The following BAHCC1 variants were observed in gnomAD, a reference collection of about 807,000 sequenced individuals.
The protein encoded by BAHCC1 is BAH domain and coiled-coil containing 1.
In BAHCC1, 43 loss-of-function variants were observed where a neutral mutation model predicts 88.2. The ratio of observed to expected loss-of-function variants is 0.49; its 90% CI spans 0.38 to 0.63. The LOEUF is 0.63. Ranked by LOEUF, BAHCC1 falls within the 20% of genes least tolerant of loss-of-function variation. The pLI is 0.00. For missense variants in BAHCC1, 3,023 were observed against 1,654.8 expected (o/e 1.83, Z -14.34); for synonymous variants, 1,510 against 745.5 (o/e 2.03, Z -16.71).
At chr17:81,398,699 A>C (rs1367498788) in intron 1 of BAHCC1, among the ~76,000 whole-genome samples, 1 of 152,214 alleles carries the variant, frequency 6.6e-6, no homozygotes, top group Admixed American at 6.5e-5. Flanking sequence ...CAGCCTCAAC[A>C]GGAAGCTCCC....
intron 18 of BAHCC1, 66 bp downstream of exon 18, chr17:81,458,532 C>CCTCACCCGCA: frequency 1.5e-6 from 1 of 646,554 alleles, no homozygotes. Flanking sequence ...CCTTCCCCGC[C>CCTCACCCGCA]CTCCCCCGCA....
At chr17:81,420,409 C>G (rs1410232947) in intron 2 of BAHCC1, among the ~76,000 whole-genome samples, 1 of 152,184 alleles carries the variant, frequency 6.6e-6, no homozygotes, top group Non-Finnish European at 1.5e-5. Context: ...TGCAGCTGTT[C>G]CCCAGTCTTC....
intron 10 of BAHCC1, 134 bp from the exon 11 acceptor site, chr17:81,446,902 G>A (rs1405129597): frequency 1.3e-5 from 9 of 676,582 alleles, no homozygotes; most frequent in Admixed American, 1.2e-4. Context: ...CAGTCTTGCA[G>A]ACCTGCAGCT....
chr17:81,400,852 G>A (rs2063807087), intron 2 of BAHCC1: 1 of 154,582 alleles, frequency 6.5e-6, no homozygotes, highest in Middle Eastern at 5.5e-4. Context: ...GGTCAGGGTA[G>A]GGGCAGCTAC....
chr17:81,453,313 G>T (rs2064680751), intron 14 of BAHCC1, among the ~76,000 whole-genome samples: 1 of 152,252 alleles, frequency 6.6e-6, no homozygotes. Context: ...CCCGGGCCTG[G>T]TATAATTGTC....
intron 2 of BAHCC1, chr17:81,407,075 G>T: frequency 2.3e-6 from 1 of 436,748 alleles, no homozygotes. Flanking sequence ...CTCTGAGGCT[G>T]GCCGGAAGTG....
chr17:81,409,391 A>C (rs2143248672), intron 2 of BAHCC1, among the ~76,000 whole-genome samples: 1 of 152,198 alleles, frequency 6.6e-6, no homozygotes, highest in Non-Finnish European at 1.5e-5. Flanking sequence ...GCGCCGGCTG[A>C]GTGGCCTGGG....
chr17:81,423,847 C>T (rs1451200465), intron 2 of BAHCC1, among the ~76,000 whole-genome samples: 2 of 152,174 alleles, frequency 1.3e-5, no homozygotes, highest in Admixed American at 6.5e-5. Flanking sequence ...AGCATGCAGG[C>T]GGGCCGATGG....
intron 3 of BAHCC1, among the ~76,000 whole-genome samples, chr17:81,428,085 G>T (rs1173667593): frequency 6.6e-6 from 1 of 152,188 alleles, no homozygotes; most frequent in African/African-American, 2.4e-5. Flanking sequence ...TGCAGGGGAG[G>T]CCGCTACCTT....
rs2064465550 is a variant in BAHCC1 at position 81,443,583 on chromosome 17, G to A, written c.2215+19G>A. 2 of 623,216 alleles carry A rather than the reference G, an allele frequency of 3.2e-6. No individual in the cohort carries two copies. Among genetic ancestry groups the A allele is most frequent in the East Asian group, 5.5e-5 (2 of 36,572 alleles). The allele number at this position is 623,216 out of a possible 1,614,324, so 38.6% of individuals were successfully genotyped here. On this transcript the variant is annotated intron_variant, in intron 5 of 27. Coordinates refer to ENST00000675386, the MANE Select transcript of BAHCC1 (RefSeq NM_001377448.1). ...TTCAAAGGTACAGGCCCTGCACAGA[G>A]AGGGAGGCAGGCCGGGACAGTCTAG... is the stretch of plus-strand genomic sequence containing the variant.
chr17:81,402,856 C>T (rs1236368365), intron 2 of BAHCC1: 1 of 152,216 alleles, frequency 6.6e-6, no homozygotes, highest in Non-Finnish European at 1.5e-5. Context: ...TCCCAGGCTT[C>T]TTCCATTGTT....
At chr17:81,421,631 A>C (rs1307584292) in intron 2 of BAHCC1, among the ~76,000 whole-genome samples, 1 of 152,182 alleles carries the variant, frequency 6.6e-6, no homozygotes, top group African/African-American at 2.4e-5. Flanking sequence ...CCACGCCTTT[A>C]GAGTAAGCAT....
intron 14 of BAHCC1, among the ~76,000 whole-genome samples, chr17:81,454,265 G>A (rs1205269762): frequency 1.3e-5 from 2 of 152,226 alleles, no homozygotes; most frequent in Admixed American, 6.5e-5. Context: ...GGTGGGACCT[G>A]TTTTGGGGCA....
chr17:81,463,585 T>C (rs782731531), intron 27 of BAHCC1, 26 bp from the exon 28 acceptor site: 8 of 778,510 alleles, frequency 1.0e-5, no homozygotes, highest in Non-Finnish European at 1.9e-5. Flanking sequence ...GGCCGGCCAC[T>C]GATGCCCCGC....
rs137957317 is a variant in BAHCC1, at chr17:81,418,574, C to T, written c.179-8226C>T. 2.8e-3 allele frequency among the ~76,000 whole-genome samples: 423 copies of T among 152,248 alleles called. 2 individuals are homozygous for T. Among genetic ancestry groups the T allele is most frequent in the African/African-American group, 9.3e-3 (385 of 41,536 alleles). ...CCAGGGCAGCTGTTCATCCCGGTGC[C>T]GCTTCAATGCCACCTTTTGCACAGC... On this transcript the variant is annotated intron_variant, in intron 2 of 27. Coordinates refer to ENST00000675386, the MANE Select transcript of BAHCC1 (RefSeq NM_001377448.1).
chr17:81,416,895 G>A (rs1555648814), intron 2 of BAHCC1, among the ~76,000 whole-genome samples: 2 of 152,214 alleles, frequency 1.3e-5, no homozygotes, highest in East Asian at 1.9e-4. Context: ...AGGGCCAAGA[G>A]CACTAGAGTC....
In BAHCC1 at chr17:81,465,315, G is replaced by T. The variant is rs1416361370; in HGVS notation, c.*1498G>T. ...CTGATGGGCTAGTGCTTGGGGCATAGAATGAGGGTCCCCCTGACCACCTGA... is the reference window on the plus strand; with the variant it reads ...CTGATGGGCTAGTGCTTGGGGCATATAATGAGGGTCCCCCTGACCACCTGA... On this transcript the variant is annotated 3_prime_UTR_variant, in exon 28 of 28. Coordinates refer to ENST00000675386, the MANE Select transcript of BAHCC1 (RefSeq NM_001377448.1). The T allele has an allele frequency of 6.6e-6, 1 of 152,178 alleles. No individual in the cohort carries two copies. Among genetic ancestry groups the T allele is most frequent in the Non-Finnish European group, 1.5e-5 (1 of 68,044 alleles). 9.4% of individuals were successfully genotyped at this position (152,178 alleles called of 1,614,324 possible).
intron 2 of BAHCC1, among the ~76,000 whole-genome samples, chr17:81,413,787 G>A (rs1025560613): frequency 5.3e-5 from 8 of 152,244 alleles, no homozygotes; most frequent in South Asian, 2.1e-4. Flanking sequence ...GCAACTGTTC[G>A]TGTACCAGCC....
In BAHCC1 at chr17:81,411,026, T is replaced by C; in HGVS notation, c.178+11109T>C. ...TGGGTCTTTGTTGTCCATATGTCTG[T>C]GTGAAGGCCTGGGGCCCCCGTGCGC... On this transcript the variant is annotated intron_variant, in intron 2 of 27. Transcript: ENST00000675386. The surrounding 1 kb of genome is among the most constrained non-coding windows in gnomAD (Gnocchi z 6.2). 1.9e-6 allele frequency: 1 copy of C among 516,096 alleles called. No homozygotes were observed. Among genetic ancestry groups the C allele is most frequent in the South Asian group, 1.4e-5 (1 of 71,204 alleles). 32.0% of individuals were successfully genotyped at this position (516,096 alleles called of 1,614,324 possible).
Sources: gnomAD v4.1 joint callset for allele counts (sites outside exome capture counted in the v4.1 genomes callset) on GRCh38, gnomAD v4.1.1 for gene constraint, Gnocchi (gnomAD v3.1) non-coding constraint, MANE v1.5 for transcripts, NCBI Gene and HGNC (gene_info 2026-07-23, HGNC 2026-07-21) for gene names.